Variants in PCDH9 observed in about 807,000 individuals in gnomAD.
PCDH9 encodes protocadherin 9, also known as protocadherin-9.
In PCDH9, 24 loss-of-function variants were observed where a neutral mutation model predicts 70.6. That is an observed-to-expected ratio of 0.34 (90% CI 0.25 to 0.48). The LOEUF is 0.48. PCDH9 is among the 20% of genes least tolerant of loss of function. The pLI, the probability that PCDH9 is intolerant of heterozygous loss-of-function variation, is 0.99. For missense variants in PCDH9, 1,281 were observed against 1,503.6 expected (o/e 0.85, Z 2.45); for synonymous variants, 562 against 558.5 (o/e 1.01, Z -0.09).
At position 66,876,067 on chromosome 13, in the gene PCDH9, C is replaced by T. The variant is rs375421711; in HGVS notation, c.3138+27437G>A. Among the ~76,000 whole-genome samples, 28 of 152,222 alleles carry T rather than the reference C, an allele frequency of 1.8e-4. 1 individual carries two copies. Among genetic ancestry groups the T allele is most frequent in the African/African-American group, 6.0e-4 (25 of 41,548 alleles). ...CTTCATTGCAAACTCGGCTATCCAT[C>T]GTGCTATCATATGAATGATAAATGT... On this transcript the variant is annotated intron_variant, in intron 3 of 4. Transcript: ENST00000377865.
At chr13:66,727,565 A>G (rs915615706) in intron 3 of PCDH9, among the ~76,000 whole-genome samples, 1 of 152,154 alleles carries the variant, frequency 6.6e-6, no homozygotes, top group African/African-American at 2.4e-5. Context: ...AATATATTAT[A>G]TTTTTGTGGC....
chr13:66,765,755 C>T (rs2079705519), intron 3 of PCDH9, among the ~76,000 whole-genome samples: 1 of 152,048 alleles, frequency 6.6e-6, no homozygotes, highest in South Asian at 2.1e-4. Context: ...GTCATGTTTA[C>T]TTTCACTCAG....
intron 4 of PCDH9, among the ~76,000 whole-genome samples, chr13:66,429,463 G>A (rs1411887201): frequency 1.4e-5 from 2 of 146,354 alleles, no homozygotes; most frequent in Non-Finnish European, 3.0e-5. Context: ...ACCCACAGTG[G>A]GTAAAAAGAC....
chr13:66,516,832 C>A (rs1052578443), intron 4 of PCDH9, among the ~76,000 whole-genome samples: 3 of 151,964 alleles, frequency 2.0e-5, no homozygotes, highest in Admixed American at 6.6e-5. Flanking sequence ...TCATCAAAAC[C>A]TTTAGAACCT....
chr13:66,919,202 A>C (rs1566292860), intron 2 of PCDH9, among the ~76,000 whole-genome samples: 1 of 151,238 alleles, frequency 6.6e-6, no homozygotes, highest in Non-Finnish European at 1.5e-5. Context: ...TATCTAAGTG[A>C]TGACATCCAA....
intron 4 of PCDH9, among the ~76,000 whole-genome samples, chr13:66,587,590 C>T (rs2076980155): frequency 6.6e-6 from 1 of 151,928 alleles, no homozygotes; most frequent in Admixed American, 6.6e-5. Flanking sequence ...GAGCTCTCAA[C>T]CCCAGTTATT....
At chr13:67,105,463 G>C (rs1389171248) in intron 2 of PCDH9, among the ~76,000 whole-genome samples, 4 of 151,960 alleles carry the variant, frequency 2.6e-5, no homozygotes, top group African/African-American at 4.8e-5. Context: ...GGAAAGTCCT[G>C]AAATAAATTC....
At chr13:66,505,412 G>A (rs956150241) in intron 4 of PCDH9, among the ~76,000 whole-genome samples, 3 of 152,062 alleles carry the variant, frequency 2.0e-5, no homozygotes, top group Admixed American at 6.6e-5. Flanking sequence ...TCACTATCAC[G>A]AGAACAGCAC....
At chr13:66,662,543 C>G (rs1191725783) in intron 3 of PCDH9, among the ~76,000 whole-genome samples, 1 of 151,990 alleles carries the variant, frequency 6.6e-6, no homozygotes, top group Non-Finnish European at 1.5e-5. Flanking sequence ...TATCAAACAA[C>G]TGAACATGAA....
At chr13:66,446,632 T>A (rs1958095696) in intron 4 of PCDH9, among the ~76,000 whole-genome samples, 1 of 152,062 alleles carries the variant, frequency 6.6e-6, no homozygotes, top group Non-Finnish European at 1.5e-5. Flanking sequence ...GTGAATGGAA[T>A]TCCATTTTGA....
chr13:67,105,478 G>A (rs2086521019), intron 2 of PCDH9, among the ~76,000 whole-genome samples: 1 of 151,800 alleles, frequency 6.6e-6, no homozygotes, highest in African/African-American at 2.4e-5. Context: ...AAATTCTCTG[G>A]GTACCCAGAG....
intron 4 of PCDH9, among the ~76,000 whole-genome samples, chr13:66,351,860 A>G (rs772156988): frequency 4.7e-5 from 7 of 148,662 alleles, no homozygotes; most frequent in Non-Finnish European, 8.9e-5. Flanking sequence ...TTTTTTTAAG[A>G]CAGAGATTCA....
intron 3 of PCDH9, among the ~76,000 whole-genome samples, chr13:66,873,198 C>T (rs904400464): frequency 6.6e-6 from 1 of 152,068 alleles, no homozygotes; most frequent in Non-Finnish European, 1.5e-5. Flanking sequence ...AATATTCATG[C>T]GTCAGTCTAC....
intron 4 of PCDH9, among the ~76,000 whole-genome samples, chr13:66,442,702 G>A (rs1957997322): frequency 2.6e-5 from 4 of 151,792 alleles, no homozygotes; most frequent in Admixed American, 2.6e-4. Flanking sequence ...ATTTCGGTGT[G>A]AACTTTAGCG....
At chr13:67,170,500 C>T (rs1321224243) in intron 2 of PCDH9, among the ~76,000 whole-genome samples, 14 of 152,056 alleles carry the variant, frequency 9.2e-5, no homozygotes, top group Admixed American at 7.2e-4. Context: ...TAATACCATT[C>T]GATTTGCAAT....
chr13:66,828,420 G>C (rs770805620), intron 3 of PCDH9, among the ~76,000 whole-genome samples: 37 of 152,088 alleles, frequency 2.4e-4, no homozygotes, highest in South Asian at 2.3e-3. Context: ...ACAAATACTA[G>C]ATTTACCCCC....
chr13:66,865,984 T>G (rs2081567905), intron 3 of PCDH9, among the ~76,000 whole-genome samples: 1 of 152,222 alleles, frequency 6.6e-6, no homozygotes, highest in Non-Finnish European at 1.5e-5. Flanking sequence ...TTTATTAAAC[T>G]TTTCCATTTC....
intron 4 of PCDH9, among the ~76,000 whole-genome samples, chr13:66,515,432 A>G (rs1309540356): frequency 4.0e-5 from 6 of 151,858 alleles, no homozygotes; most frequent in Non-Finnish European, 8.8e-5. Context: ...TTTTTAAATA[A>G]AAGTTCCACG....
At position 66,602,674 on chromosome 13, in the gene PCDH9, T is replaced by A. The variant is rs778122496; in HGVS notation, c.3340+28536A>T. Among the ~76,000 whole-genome samples, 7 of 145,634 alleles carry A rather than the reference T, an allele frequency of 4.8e-5. 1 individual carries two copies. Among genetic ancestry groups the A allele is most frequent in the Non-Finnish European group, 9.3e-5 (6 of 64,782 alleles). On this transcript the variant is annotated intron_variant, in intron 4 of 4. Transcript: ENST00000377865. ...ATTGAAGAAAGAAAAAAAATTTAAA[T>A]AAGTTCAGTGCGGCCTAAGTGTATA...
Sources: allele counts gnomAD v4.1 joint callset (sites outside exome capture counted in the v4.1 genomes callset), GRCh38; gene constraint gnomAD v4.1.1; transcripts MANE v1.5; gene names NCBI Gene and HGNC (gene_info 2026-07-23, HGNC 2026-07-21).